The following SORBS2 variants were observed in gnomAD, a reference collection of about 807,000 sequenced individuals.
The protein encoded by SORBS2 is sorbin and SH3 domain containing 2.
Under a neutral mutation model 97.7 loss-of-function variants are expected in SORBS2, and 46 were observed. The observed-to-expected ratio is 0.47, with a 90% confidence interval of 0.37 to 0.60. The LOEUF is 0.60. SORBS2 is among the 20% of genes least tolerant of loss of function. The pLI is 0.00. For missense variants in SORBS2, 1,316 were observed against 1,282.3 expected, an observed-to-expected ratio of 1.03 and a Z score of -0.40; for synonymous variants, 476 against 473.4, an observed-to-expected ratio of 1.01 and a Z score of -0.07.
At chr4:185,652,573 C>T (rs2097332532) in intron 2 of SORBS2, 89 bp downstream of exon 10, 2 of 1,014,126 alleles carry the variant, frequency 2.0e-6, no homozygotes, top group East Asian at 2.4e-5. Context: ...GGGGTCTTGA[C>T]ATTGTGTGTG....
chr4:185,906,115 C>A (rs1296515027), intron 1 of SORBS2, among the ~76,000 whole-genome samples: 7 of 152,092 alleles, frequency 4.6e-5, no homozygotes, highest in Non-Finnish European at 8.8e-5. Flanking sequence ...CTCACTGCAA[C>A]CTCCGCCTCC....
intron 4 of SORBS2, among the ~76,000 whole-genome samples, chr4:185,662,637 C>T (rs1005532051): frequency 2.0e-5 from 3 of 152,204 alleles, no homozygotes; most frequent in Non-Finnish European, 2.9e-5. Flanking sequence ...GCAGCATTGA[C>T]GTGGATGTCC....
intron 1 of SORBS2, among the ~76,000 whole-genome samples, chr4:185,890,913 G>C (rs1177522893): frequency 1.3e-5 from 2 of 151,958 alleles, no homozygotes; most frequent in African/African-American, 4.8e-5. Flanking sequence ...TTATAGTATT[G>C]AACATGTTGC....
chr4:185,676,297 C>T (rs559249814), intron 4 of SORBS2, among the ~76,000 whole-genome samples: 1 of 152,244 alleles, frequency 6.6e-6, no homozygotes, highest in East Asian at 1.9e-4. Flanking sequence ...ACAGCTTATC[C>T]TTAAAGTTTG....
chr4:185,885,243 T>G (rs981861864), intron 1 of SORBS2, among the ~76,000 whole-genome samples: 4 of 152,238 alleles, frequency 2.6e-5, no homozygotes, highest in Non-Finnish European at 1.5e-5. Flanking sequence ...AATCCTCTTA[T>G]GTGAACTGCA....
At chr4:185,793,790 TA>T (rs2099092316) in intron 1 of SORBS2, among the ~76,000 whole-genome samples, 1 of 152,152 alleles carries the variant, frequency 6.6e-6, no homozygotes. Flanking sequence ...TTGCACAAAT[TA>T]CTTCATATAA....
chr4:185,694,300 G>A (rs7688359), intron 2 of SORBS2, among the ~76,000 whole-genome samples: 140,073 of 152,280 alleles, frequency 0.92, 64,422 homozygotes, highest in African/African-American at 0.95. Flanking sequence ...TTTGCATGCT[G>A]CTAGACAACA....
At chr4:185,679,261 C>G (rs535026879) in intron 2 of SORBS2, among the ~76,000 whole-genome samples, 1 of 152,110 alleles carries the variant, frequency 6.6e-6, no homozygotes, top group African/African-American at 2.4e-5. Context: ...TTCTGTAGTT[C>G]GCATTTTTTT....
At chr4:185,666,010 A>AT in intron 4 of SORBS2, 1 of 1,288,422 alleles carries the variant, frequency 7.8e-7, no homozygotes. Context: ...GGGATTATGC[A>AT]GGCGTGAAGA....
chr4:185,665,704 G>A, intron 4 of SORBS2: 1 of 950,756 alleles, frequency 1.1e-6, no homozygotes, highest in Non-Finnish European at 1.3e-6. Flanking sequence ...CAAGGAAACG[G>A]TGGAGGCAAA....
upstream of SORBS2, among the ~76,000 whole-genome samples, chr4:185,661,150 C>A (rs532861887): frequency 2.0e-5 from 3 of 151,940 alleles, no homozygotes; most frequent in South Asian, 6.2e-4. Flanking sequence ...GTGGCGGGCA[C>A]CTGTAATCCC....
At chr4:185,933,890 A>G (rs1170129802) in intron 1 of SORBS2, among the ~76,000 whole-genome samples, 1 of 152,204 alleles carries the variant, frequency 6.6e-6, no homozygotes, top group African/African-American at 2.4e-5. Flanking sequence ...CTTCTTGAAA[A>G]GATTACAGAG....
intron 1 of SORBS2, among the ~76,000 whole-genome samples, chr4:185,790,200 GA>G (rs979338112): frequency 1.6e-4 from 24 of 151,622 alleles, no homozygotes; most frequent in Admixed American, 1.2e-3. Flanking sequence ...CATTTGCTAT[GA>G]AAAAAAATTG....
chr4:185,720,887 G>T (rs925150265), intron 2 of SORBS2, among the ~76,000 whole-genome samples: 2 of 152,000 alleles, frequency 1.3e-5, no homozygotes, highest in Non-Finnish European at 2.9e-5. Flanking sequence ...CCACGGCTCC[G>T]ACACAAAGTG....
At chr4:185,605,807 A>T (rs2096404760) in intron 12 of SORBS2, among the ~76,000 whole-genome samples, 1 of 151,682 alleles carries the variant, frequency 6.6e-6, no homozygotes, top group South Asian at 2.1e-4. Flanking sequence ...CTGATCTCAA[A>T]TTCCTGACCT....
chr4:185,799,844 G>A (rs1008148397), intron 1 of SORBS2, among the ~76,000 whole-genome samples: 2 of 152,100 alleles, frequency 1.3e-5, no homozygotes, highest in African/African-American at 4.8e-5. Context: ...TTCGTACCTC[G>A]GCTTACTTCA....
intron 1 of SORBS2, among the ~76,000 whole-genome samples, chr4:185,812,759 C>G (rs1408666508): frequency 6.6e-6 from 1 of 152,112 alleles, no homozygotes. Context: ...CTTTAAATAT[C>G]CATTTACTTA....
exon 1 of SORBS2, chr4:185,656,907 C>A: frequency 8.0e-7 from 1 of 1,243,802 alleles, no homozygotes; most frequent in South Asian, 2.2e-5. Flanking sequence ...CTTCAGACAG[C>A]TTTTCCTTTC....
At chr4:185,697,906 G>A (rs977493423) in intron 2 of SORBS2, among the ~76,000 whole-genome samples, 18 of 151,954 alleles carry the variant, frequency 1.2e-4, no homozygotes, top group African/African-American at 3.6e-4. Flanking sequence ...AAAATCTTCC[G>A]TTTTAATTTT....
Sources: allele counts gnomAD v4.1 joint callset (sites outside exome capture counted in the v4.1 genomes callset), GRCh38; gene constraint gnomAD v4.1.1; transcripts MANE v1.5; gene names NCBI Gene and HGNC (gene_info 2026-07-23, HGNC 2026-07-21).